The following NUDCD3 variants were observed in gnomAD, a reference collection of about 807,000 sequenced individuals.
The protein encoded by NUDCD3 is nudC domain-containing protein 3.
Under a neutral mutation model 39.7 loss-of-function variants are expected in NUDCD3, and 13 were observed. That is an observed-to-expected ratio of 0.33 (90% CI 0.21 to 0.52). The LOEUF (loss-of-function observed/expected upper bound fraction) is 0.52, where lower values mean the gene tolerates loss of function less well. Among genes scored for constraint, NUDCD3 ranks in the 20% least tolerant of loss-of-function variants. NUDCD3 has a pLI of 0.96. For missense variants in NUDCD3, 453 were observed against 458.1 expected (o/e 0.99, Z 0.10); for synonymous variants, 175 against 172.4 (o/e 1.02, Z -0.12).
intron 3 of NUDCD3, among the ~76,000 whole-genome samples, chr7:44,405,893 C>A (rs1798811134): frequency 6.6e-6 from 1 of 152,264 alleles, no homozygotes; most frequent in South Asian, 2.1e-4. Flanking sequence ...AACTCCTGGG[C>A]TGAAGCAATC....
intron 3 of NUDCD3, among the ~76,000 whole-genome samples, chr7:44,426,892 T>G (rs1176563603): frequency 6.6e-6 from 1 of 152,150 alleles, no homozygotes; most frequent in Non-Finnish European, 1.5e-5. Context: ...GCAGCCATGT[T>G]GTTGCCCTGA....
chr7:44,427,818 T>C (rs1360586487), intron 2 of NUDCD3, 115 bp from the exon 3 acceptor site: 1 of 1,092,776 alleles, frequency 9.2e-7, no homozygotes, highest in Admixed American at 2.7e-5. Flanking sequence ...TCAAGTTTCA[T>C]CTCAAGTTCA....
At chr7:44,444,618 C>T (rs189024524) in intron 2 of NUDCD3, among the ~76,000 whole-genome samples, 1 of 152,286 alleles carries the variant, frequency 6.6e-6, no homozygotes, top group East Asian at 1.9e-4. Context: ...TTACATAACA[C>T]CCCAACTTTA....
At chr7:44,435,534 C>T (rs886433221) in intron 2 of NUDCD3, among the ~76,000 whole-genome samples, 5 of 152,182 alleles carry the variant, frequency 3.3e-5, no homozygotes, top group Non-Finnish European at 7.4e-5. Flanking sequence ...GATCAGAGAA[C>T]AGCTCAACTT....
intron 2 of NUDCD3, among the ~76,000 whole-genome samples, chr7:44,435,293 T>C (rs1476388738): frequency 6.6e-6 from 1 of 152,132 alleles, no homozygotes; most frequent in Non-Finnish European, 1.5e-5. Context: ...GTCCCCAACC[T>C]GGGACCAGAA....
intron 2 of NUDCD3, among the ~76,000 whole-genome samples, chr7:44,451,698 T>C (rs1397977875): frequency 1.3e-5 from 2 of 152,096 alleles, no homozygotes; most frequent in African/African-American, 4.8e-5. Flanking sequence ...ATTAGCTTGA[T>C]TGTGGTGATG....
At chr7:44,414,031 T>C (rs1376218041) in intron 3 of NUDCD3, among the ~76,000 whole-genome samples, 1 of 148,758 alleles carries the variant, frequency 6.7e-6, no homozygotes, top group Non-Finnish European at 1.5e-5. Context: ...CAAAACCCTG[T>C]CTCAAAAAAA....
intron 2 of NUDCD3, among the ~76,000 whole-genome samples, chr7:44,476,304 T>C (rs1800368229): frequency 6.6e-6 from 1 of 152,024 alleles, no homozygotes; most frequent in Admixed American, 6.5e-5. Context: ...GGTGTGTGAG[T>C]GCTATAGAAG....
At chr7:44,410,105 AT>A (rs1798895584) in intron 3 of NUDCD3, among the ~76,000 whole-genome samples, 1 of 152,218 alleles carries the variant, frequency 6.6e-6, no homozygotes, top group South Asian at 2.1e-4. Context: ...ATTTGAAAGA[AT>A]AATGGCTAAA....
intron 2 of NUDCD3, among the ~76,000 whole-genome samples, chr7:44,430,603 C>CAA (rs1491338884): frequency 6.7e-6 from 1 of 149,252 alleles, no homozygotes; most frequent in Non-Finnish European, 1.5e-5. Flanking sequence ...CACACACACA[C>CAA]AAAAGACCAA....
intron 2 of NUDCD3, among the ~76,000 whole-genome samples, chr7:44,447,093 C>T (rs1046939506): frequency 1.5e-4 from 23 of 152,216 alleles, no homozygotes; most frequent in Non-Finnish European, 1.0e-4. Context: ...AGATGCTTCG[C>T]CATGAGGCCA....
intron 2 of NUDCD3, among the ~76,000 whole-genome samples, chr7:44,429,566 G>T (rs900199249): frequency 6.6e-6 from 1 of 152,254 alleles, no homozygotes; most frequent in African/African-American, 2.4e-5. Context: ...AACATTTTTC[G>T]TTTAAGCCGG....
In NUDCD3 at chr7:44,485,132, T is replaced by C. The variant is rs745436649; in HGVS notation, c.345A>G (p.Glu115=). 2.4e-5 allele frequency: 39 copies of C among 1,614,076 alleles called. No individual in the cohort carries two copies. Among genetic ancestry groups the C allele is most frequent in the Non-Finnish European group, 3.2e-5 (38 of 1,180,050 alleles). ...EKEPVPVPVQ[E]IEIDSTTELD... is the part of the protein sequence containing the mutation. ...ATTCTGTGGTGGAGTCAATCTCTATTTCCTGGACTGGAACTGGGACTGGCT... is the reference window on the plus strand; with the variant it reads ...ATTCTGTGGTGGAGTCAATCTCTATCTCCTGGACTGGAACTGGGACTGGCT... The change falls in exon 2 of 6, where the codon GAA becomes GAG. Residue 115 remains glutamate, a synonymous_variant. Transcript: ENST00000355451.
At position 44,404,492 on chromosome 7, in the gene NUDCD3, T is replaced by C. The variant is rs372479007; in HGVS notation, c.734A>G (p.Lys245Arg). The C allele has an allele frequency of 1.9e-6, 3 of 1,613,840 alleles. No homozygotes were observed. The highest frequency in any genetic ancestry group is 2.5e-6 in the Non-Finnish European group (3 of 1,179,876). The change falls in exon 4 of 6, where the codon AAG (lysine) becomes AGG (arginine). Residue 245 changes from lysine (K) to arginine (R), a missense_variant. Physicochemically the swap from Lys to Arg is conservative, Grantham distance 26 (BLOSUM62 2). Transcript: ENST00000355451. ...RVLMEGKLTH[K>R]INTESSLWSL... is the part of the protein sequence containing the mutation. ...CCAGAGAGAACTCTCAGTGTTGATC[T>C]TGTGGGTGAGCTTCCCTTCCATGAG...
At chr7:44,419,251 G>C (rs1799090694) in intron 3 of NUDCD3, among the ~76,000 whole-genome samples, 1 of 152,142 alleles carries the variant, frequency 6.6e-6, no homozygotes, top group African/African-American at 2.4e-5. Flanking sequence ...ACACAGCGTG[G>C]CAAAGTGGCT....
At chr7:44,412,180 G>A (rs1798939468) in intron 3 of NUDCD3, among the ~76,000 whole-genome samples, 1 of 152,136 alleles carries the variant, frequency 6.6e-6, no homozygotes, top group East Asian at 1.9e-4. Context: ...ATAAGATGAA[G>A]ATACACATGC....
chr7:44,449,904 C>G (rs1338405190), intron 2 of NUDCD3, among the ~76,000 whole-genome samples: 1 of 148,082 alleles, frequency 6.8e-6, no homozygotes, highest in Non-Finnish European at 1.5e-5. Context: ...TAAAGAACTT[C>G]TGCTACTCAA....
intron 3 of NUDCD3, among the ~76,000 whole-genome samples, chr7:44,409,821 G>A (rs1345034769): frequency 2.6e-5 from 4 of 152,076 alleles, no homozygotes; most frequent in East Asian, 1.9e-4. Flanking sequence ...TACTGATAAC[G>A]AGATAGAAAT....
At chr7:44,477,781 G>T (rs1237450049) in intron 2 of NUDCD3, among the ~76,000 whole-genome samples, 6 of 150,192 alleles carry the variant, frequency 4.0e-5, no homozygotes, top group African/African-American at 1.2e-4. Flanking sequence ...GGCTCAAATG[G>T]CACTTTTTCA....
Sources: gnomAD v4.1 joint callset for allele counts (sites outside exome capture counted in the v4.1 genomes callset) on GRCh38, gnomAD v4.1.1 for gene constraint, MANE v1.5 for transcripts, NCBI Gene and HGNC (gene_info 2026-07-23, HGNC 2026-07-21) for gene names.